The following SEL1L2 variants were observed in gnomAD, a reference collection of about 807,000 sequenced individuals.
SEL1L2 encodes SEL1L2 adaptor subunit of SYVN1 ubiquitin ligase.
SEL1L2 carries 89 observed loss-of-function variants against 98.8 expected under a neutral mutation model. The observed-to-expected ratio is 0.90, with a 90% CI of 0.76 to 1.07. The LOEUF (loss-of-function observed/expected upper bound fraction) is 1.07. SEL1L2 is among the 50% of genes least tolerant of loss of function. SEL1L2 has a pLI of 0.00. For missense variants in SEL1L2, 788 were observed against 812.0 expected, an observed-to-expected ratio of 0.97 and a Z score of 0.36; for synonymous variants, 262 against 278.5, an observed-to-expected ratio of 0.94 and a Z score of 0.59.
chr20:13,906,704 C>T (rs6079210), intron 5 of SEL1L2, among the ~76,000 whole-genome samples: 16,608 of 152,054 alleles, frequency 0.11, 993 homozygotes, highest in East Asian at 0.2. Flanking sequence ...TTTGAGACAG[C>T]GTCTCACTCT....
chr20:13,943,618 T>C (rs531016715), intron 2 of SEL1L2, among the ~76,000 whole-genome samples: 1 of 152,308 alleles, frequency 6.6e-6, no homozygotes, highest in East Asian at 1.9e-4. Flanking sequence ...CAAGCACTTA[T>C]TAAATTGTAG....
chr20:13,899,580 C>T (rs1284812691), intron 5 of SEL1L2, among the ~76,000 whole-genome samples: 2 of 152,150 alleles, frequency 1.3e-5, no homozygotes, highest in Non-Finnish European at 2.9e-5. Context: ...GCAGAAGGAA[C>T]GAACTTCCTC....
At chr20:13,931,231 A>G (rs1898446629) in intron 3 of SEL1L2, among the ~76,000 whole-genome samples, 1 of 151,530 alleles carries the variant, frequency 6.6e-6, no homozygotes, top group Non-Finnish European at 1.5e-5. Flanking sequence ...TTTAGTAGAG[A>G]CGGGGTTTCA....
chr20:13,943,073 A>G (rs535620652), intron 2 of SEL1L2, among the ~76,000 whole-genome samples: 1 of 152,332 alleles, frequency 6.6e-6, no homozygotes, highest in African/African-American at 2.4e-5. Flanking sequence ...GAGAAGAAGT[A>G]ACTCATTCAG....
intron 3 of SEL1L2, among the ~76,000 whole-genome samples, chr20:13,920,772 T>C (rs974302428): frequency 2.6e-5 from 4 of 152,168 alleles, no homozygotes; most frequent in Non-Finnish European, 2.9e-5. Flanking sequence ...TTTTTATCTT[T>C]CTGACAAGCA....
intron 1 of SEL1L2, among the ~76,000 whole-genome samples, chr20:13,958,664 C>T (rs138472818): frequency 5.3e-4 from 81 of 151,996 alleles, no homozygotes; most frequent in African/African-American, 1.8e-3. Flanking sequence ...GGTCTGGGCG[C>T]GGTGGCTCAC....
chr20:13,887,905 A>G lies in SEL1L2; in HGVS notation c.663+37T>C, dbSNP rs751899215. Reference sequence around the variant, plus strand: ...TTCAAGACAATGCTGTATTTATGGCATACAAATTTGGTTCCAAGAATATTT... The same window carrying G: ...TTCAAGACAATGCTGTATTTATGGCGTACAAATTTGGTTCCAAGAATATTT... On this transcript the variant is annotated intron_variant, in intron 7 of 19. Transcript: ENST00000284951. 8.7e-6 allele frequency: 14 copies of G among 1,609,158 alleles called. No individual in the cohort carries two copies. The African/African-American group carries it at 1.5e-4, about 17-fold the overall frequency.
chr20:13,976,013 T>C (rs2051515445), intron 1 of SEL1L2, among the ~76,000 whole-genome samples: 2 of 151,712 alleles, frequency 1.3e-5, no homozygotes, highest in African/African-American at 2.4e-5. Context: ...TGTTTGTTTG[T>C]TTGTTTTGAG....
intron 1 of SEL1L2, among the ~76,000 whole-genome samples, chr20:13,970,906 ATATAC>A (rs991879703): frequency 4.7e-5 from 7 of 148,986 alleles, no homozygotes; most frequent in South Asian, 2.1e-4. Flanking sequence ...TATATATTAT[ATATAC>A]TATATCTATT....
chr20:13,877,745 C>G (rs543324095), intron 10 of SEL1L2, among the ~76,000 whole-genome samples, 157 bp from the exon 11 acceptor site: 1 of 152,322 alleles, frequency 6.6e-6, no homozygotes, highest in Admixed American at 6.5e-5. Flanking sequence ...TTGTTCAAGG[C>G]ACTATTCCAA....
intron 5 of SEL1L2, among the ~76,000 whole-genome samples, chr20:13,910,192 G>A (rs1360285127): frequency 6.6e-6 from 1 of 152,154 alleles, no homozygotes; most frequent in African/African-American, 2.4e-5. Flanking sequence ...GTCATTAGGG[G>A]CCAGGTGGAG....
At chr20:13,879,843 GA>G (rs1353052931) in intron 10 of SEL1L2, among the ~76,000 whole-genome samples, 1 of 152,162 alleles carries the variant, frequency 6.6e-6, no homozygotes. Context: ...TGTATCTCAT[GA>G]ATCTCTCTAC....
chr20:13,955,164 A>T lies in SEL1L2; in HGVS notation c.114+912T>A, dbSNP rs1007459968. On this transcript the variant is annotated intron_variant, in intron 2 of 19. Transcript: ENST00000284951. ...CACCACAAACAAAACCCTTGCTCTC[A>T]TGGAGTTTGTACTTTAGTGGAGGGA... 1.2e-4 allele frequency among the ~76,000 whole-genome samples: 19 copies of T among 152,174 alleles called. 1 individual carries two copies. The highest frequency in any genetic ancestry group is 2.6e-4 in the Admixed American group (4 of 15,276).
chr20:13,954,711 C>T (rs1324294006), intron 2 of SEL1L2, among the ~76,000 whole-genome samples: 6 of 152,098 alleles, frequency 3.9e-5, no homozygotes, highest in Non-Finnish European at 8.8e-5. Context: ...TGGGTCTGGG[C>T]AGCATCCTTG....
intron 5 of SEL1L2, among the ~76,000 whole-genome samples, chr20:13,904,345 G>A (rs1293804923): frequency 1.3e-5 from 2 of 152,086 alleles, no homozygotes; most frequent in Admixed American, 1.3e-4. Flanking sequence ...CCTGGCCAAC[G>A]TGGTGAAACC....
intron 5 of SEL1L2, among the ~76,000 whole-genome samples, chr20:13,892,894 G>A (rs993611830): frequency 3.3e-5 from 5 of 152,200 alleles, no homozygotes; most frequent in African/African-American, 1.2e-4. Context: ...GACTCCCTGT[G>A]GCTGAAAAGA....
intron 5 of SEL1L2, among the ~76,000 whole-genome samples, chr20:13,903,034 C>G (rs1255122751): frequency 1.4e-5 from 2 of 146,476 alleles, no homozygotes; most frequent in African/African-American, 5.0e-5. Context: ...AGGAGAGTCT[C>G]TTGAACCTGG....
chr20:13,927,677 G>A (rs1291037811), intron 3 of SEL1L2, among the ~76,000 whole-genome samples: 1 of 152,176 alleles, frequency 6.6e-6, no homozygotes, highest in African/African-American at 2.4e-5. Context: ...CTGTGGAATA[G>A]CATTTATAGA....
At chr20:13,885,020 G>T (rs1906898731) in intron 10 of SEL1L2, among the ~76,000 whole-genome samples, 1 of 152,148 alleles carries the variant, frequency 6.6e-6, no homozygotes, top group East Asian at 1.9e-4. Flanking sequence ...GTGCAGGCCG[G>T]CAGGTGGGGA....
Sources: allele counts gnomAD v4.1 joint callset (sites outside exome capture counted in the v4.1 genomes callset), GRCh38; gene constraint gnomAD v4.1.1; transcripts MANE v1.5; gene names NCBI Gene and HGNC (gene_info 2026-07-23, HGNC 2026-07-21).